CSK: variants seen among roughly 807,000 people sequenced by gnomAD.
CSK encodes the protein tyrosine-protein kinase CSK.
A neutral mutation model predicts 62.3 loss-of-function variants in CSK; 7 were observed. That is an observed-to-expected ratio of 0.11 (90% CI 0.06 to 0.21). CSK has a LOEUF of 0.21. Ranked by LOEUF, CSK falls within the 10% of genes least tolerant of loss-of-function variation. The pLI, the probability that CSK is intolerant of heterozygous loss-of-function variation, is 1.00. For synonymous variants in CSK, 237 were observed against 246.0 expected (o/e 0.96, Z 0.34); for missense variants, 294 against 613.5 (o/e 0.48, Z 5.50).
chr15:74,798,371 C>T lies in CSK; in HGVS notation c.15+59C>T. On this transcript the variant is annotated intron_variant, in intron 2 of 12. Coordinates refer to ENST00000220003, the MANE Select transcript of CSK (RefSeq NM_004383.3). The surrounding 1 kb of genome is among the most constrained non-coding windows in gnomAD (Gnocchi z 6.6). ...CATTCCCACCAGCCCCAGCGGGGTG[C>T]TTAGCAGAGGAGAGAGGATGCAGCT... is the stretch of plus-strand genomic sequence containing the variant. 6.3e-7 allele frequency: 1 copy of T among 1,584,652 alleles called. No homozygotes were observed. The highest frequency in any genetic ancestry group is 8.6e-7 in the Non-Finnish European group (1 of 1,162,418).
chr15:74,788,872 C>T (rs192027954), intron 1 of CSK: 1 of 153,202 alleles, frequency 6.5e-6, no homozygotes, highest in Non-Finnish European at 1.5e-5. Context: ...AAGACCACAT[C>T]CTGTGCTAAG....
At chr15:74,787,528 C>T (rs1465789273) in intron 1 of CSK, among the ~76,000 whole-genome samples, 1 of 152,152 alleles carries the variant, frequency 6.6e-6, no homozygotes, top group African/African-American at 2.4e-5. Flanking sequence ...CTCAGCAGGC[C>T]CCCAGGGACT....
intron 10 of CSK, 47 bp downstream of exon 10, chr15:74,801,642 G>T (rs1334069073): frequency 6.2e-7 from 1 of 1,610,592 alleles, no homozygotes; most frequent in East Asian, 2.2e-5. Context: ...GGGGTACCCT[G>T]CCCTGCTATG....
At chr15:74,796,230 A>G (rs1048341581) in intron 1 of CSK, among the ~76,000 whole-genome samples, 3 of 152,146 alleles carry the variant, frequency 2.0e-5, no homozygotes, top group Non-Finnish European at 4.4e-5. Flanking sequence ...CTCAAAAAAA[A>G]AAAGAAAGAA....
At position 74,798,490 on chromosome 15, in the gene CSK, C is replaced by A; in HGVS notation, c.16-125C>A. ...AACAGGAAGGGACCCAGGGCTCGTT[C>A]TCCGGGCAGAGCACCTCACCCAGGC... On this transcript the variant is annotated intron_variant, in intron 2 of 12. Transcript: ENST00000220003. This position sits in a 1 kb window ranked among gnomAD's most constrained non-coding sequence, Gnocchi z 6.6. 1 of 1,221,148 alleles carries A rather than the reference C, an allele frequency of 8.2e-7. No homozygotes were observed. The highest frequency in any genetic ancestry group is 1.2e-6 in the Non-Finnish European group (1 of 846,340). The allele number at this position is 1,221,148 out of a possible 1,614,324, so 75.6% of individuals were successfully genotyped here. A position where few individuals can be genotyped will look rare whatever the true frequency, so the allele number is the denominator to read the frequency against.
At chr15:74,801,951 C>G (rs2063799212) in intron 11 of CSK, 46 bp from the exon 12 acceptor site, 1 of 1,610,660 alleles carries the variant, frequency 6.2e-7, no homozygotes, top group African/African-American at 1.3e-5. Flanking sequence ...CACTCCCCAC[C>G]CTGGAGTCCC....
chr15:74,801,377 C>G lies in CSK; in HGVS notation c.814-145C>G. On this transcript the variant is annotated intron_variant, in intron 9 of 12. Transcript: ENST00000220003. ...AGGCATGAATAACACAGAGCAGTGT[C>G]CGGCATGGATGTTCTGGCCCCTCCC... 3.9e-6 allele frequency: 3 copies of G among 763,512 alleles called. No homozygotes were observed. In the South Asian group the frequency reaches 5.4e-5, roughly 14 times the overall value. 47.3% of individuals were successfully genotyped at this position (763,512 alleles called of 1,614,324 possible).
chr15:74,790,795 G>C (rs2141796001), intron 1 of CSK: 1 of 152,344 alleles, frequency 6.6e-6, no homozygotes, highest in Admixed American at 6.5e-5. Flanking sequence ...ACGTGAGTCA[G>C]ACCCTCACTT....
chr15:74,799,534 C>G lies in CSK; in HGVS notation c.462+43C>G, dbSNP rs778290348. The G allele has an allele frequency of 3.2e-6, 5 of 1,571,878 alleles. No individual in the cohort carries two copies. In the East Asian group the frequency reaches 1.2e-4, roughly 36 times the overall value. ...GAGCCTTGCTCCCACCCTCACACAC[C>G]CTAAACCCATCTGGGGCCCTGGCTT... On this transcript the variant is annotated intron_variant, in intron 5 of 12. Coordinates refer to ENST00000220003, the MANE Select transcript of CSK (RefSeq NM_004383.3).
chr15:74,798,486 C>T lies in CSK; in HGVS notation c.16-129C>T, dbSNP rs148597207. 7.3e-5 allele frequency: 89 copies of T among 1,212,246 alleles called. No homozygotes were observed. In the African/African-American group the frequency reaches 1.2e-3, roughly 16 times the overall value. 75.1% of individuals were successfully genotyped at this position (1,212,246 alleles called of 1,614,324 possible). A position where few individuals can be genotyped will look rare whatever the true frequency, so the allele number is the denominator to read the frequency against. On this transcript the variant is annotated intron_variant, in intron 2 of 12. Coordinates refer to ENST00000220003, the MANE Select transcript of CSK (RefSeq NM_004383.3). The surrounding 1 kb of genome is among the most constrained non-coding windows in gnomAD (Gnocchi z 6.6). ...TCTCAACAGGAAGGGACCCAGGGCTCGTTCTCCGGGCAGAGCACCTCACCC... is the reference window on the plus strand; with the variant it reads ...TCTCAACAGGAAGGGACCCAGGGCTTGTTCTCCGGGCAGAGCACCTCACCC...
intron 1 of CSK, among the ~76,000 whole-genome samples, chr15:74,785,071 G>A (rs753798136): frequency 1.3e-5 from 2 of 152,094 alleles, no homozygotes; most frequent in African/African-American, 4.8e-5. Context: ...ACAAAACAGC[G>A]CTACAGGAAA....
At chr15:74,799,065 G>T in intron 4 of CSK, 127 bp downstream of exon 4, 1 of 984,082 alleles carries the variant, frequency 1.0e-6, no homozygotes, top group East Asian at 2.6e-5. Context: ...GGAGGTGCAG[G>T]GTGCGGGTGC....
At position 74,798,630 on chromosome 15, in the gene CSK, G is replaced by A. The variant is rs2063742782; in HGVS notation, c.31G>A (p.Gly11Ser). 3 of 1,613,508 alleles carry A rather than the reference G, an allele frequency of 1.9e-6. No homozygotes were observed. Among genetic ancestry groups the A allele is most frequent in the Non-Finnish European group, 2.5e-6 (3 of 1,180,004 alleles). Residue 11 changes from glycine to serine, a missense_variant, in exon 3 of 13, where the codon GGT (glycine) becomes AGT (serine). By Grantham distance (56) the Gly-to-Ser change is moderately conservative. Coordinates refer to ENST00000220003, the MANE Select transcript of CSK (RefSeq NM_004383.3). The surrounding 1 kb of genome is among the most constrained non-coding windows in gnomAD (Gnocchi z 6.6). ...TGCCTTGCAGGCCGCCTGGCCATCC[G>A]GTACAGAATGTATTGCCAAGTACAA... MSAIQAAWPS[G>S]TECIAKYNFH...
chr15:74,795,485 A>T (rs763828621), intron 1 of CSK, among the ~76,000 whole-genome samples: 1 of 152,032 alleles, frequency 6.6e-6, no homozygotes, highest in Admixed American at 6.6e-5. Context: ...CTTCTAACAC[A>T]CTGTGACCAC....
intron 1 of CSK, among the ~76,000 whole-genome samples, chr15:74,795,630 G>A (rs756795827): frequency 1.3e-5 from 2 of 152,176 alleles, no homozygotes; most frequent in South Asian, 4.1e-4. Flanking sequence ...GTGTGCAGAC[G>A]GGTGGGTTGC....
intron 1 of CSK, among the ~76,000 whole-genome samples, chr15:74,785,594 A>T (rs2063502801): frequency 1.3e-5 from 2 of 152,222 alleles, no homozygotes; most frequent in Admixed American, 1.3e-4. Context: ...AGTGTCAACT[A>T]ACTAACCAAG....
Position 74,798,341 on chromosome 15 carries a change from G to A in CSK, c.15+29G>A. On this transcript the variant is annotated intron_variant, in intron 2 of 12. Coordinates refer to ENST00000220003, the MANE Select transcript of CSK (RefSeq NM_004383.3). This position sits in a 1 kb window ranked among gnomAD's most constrained non-coding sequence, Gnocchi z 6.6. ...CCACAGGGGTGAGGGTCTGGGACAT[G>A]CAAGCATTCCCACCAGCCCCAGCGG... The A allele has an allele frequency of 6.3e-7, 1 of 1,592,092 alleles. No homozygotes were observed. Among genetic ancestry groups the A allele is most frequent in the African/African-American group, 1.3e-5 (1 of 74,668 alleles).
chr15:74,800,807 A>G lies in CSK; in HGVS notation c.623-16A>G. On this transcript the variant is annotated splice_polypyrimidine_tract_variant and intron_variant, in intron 7 of 12. Transcript: ENST00000220003. ...GGACTCCGAACTTGGGAACAAGACC[A>G]CCTCTCTGCCCCCAGACGTGATGCT... The G allele has an allele frequency of 6.2e-7, 1 of 1,606,726 alleles. No individual in the cohort carries two copies. The highest frequency in any genetic ancestry group is 8.5e-7 in the Non-Finnish European group (1 of 1,176,760).
intron 1 of CSK, among the ~76,000 whole-genome samples, chr15:74,787,924 G>C (rs952914699): frequency 6.6e-6 from 1 of 152,348 alleles, no homozygotes; most frequent in South Asian, 2.1e-4. Context: ...CAGGAGGGAA[G>C]GATGAAGAGC....
Sources: allele counts gnomAD v4.1 joint callset (sites outside exome capture counted in the v4.1 genomes callset), GRCh38; gene constraint gnomAD v4.1.1; non-coding constraint Gnocchi (gnomAD v3.1); transcripts MANE v1.5; gene names NCBI Gene and HGNC (gene_info 2026-07-23, HGNC 2026-07-21).